GAS7: variants seen among roughly 807,000 people sequenced by gnomAD.
GAS7 encodes the protein growth arrest specific 7.
Under a neutral mutation model 71.1 loss-of-function variants are expected in GAS7, and 28 were observed. The observed-to-expected ratio is 0.39, with a 90% CI of 0.29 to 0.54. The LOEUF is 0.54. GAS7 is among the 20% of genes least tolerant of loss of function. The pLI is 0.62. For synonymous variants in GAS7, 258 were observed against 245.8 expected (o/e 1.05, Z -0.46); for missense variants, 436 against 627.8 (o/e 0.69, Z 3.27).
At chr17:10,020,451 G>C (rs867099666) in intron 1 of GAS7, among the ~76,000 whole-genome samples, 3 of 152,224 alleles carry the variant, frequency 2.0e-5, no homozygotes. Flanking sequence ...CTGGCAAAAA[G>C]AACGAGGACT....
chr17:10,066,072 T>C (rs960772067), intron 1 of GAS7, among the ~76,000 whole-genome samples: 4 of 152,164 alleles, frequency 2.6e-5, no homozygotes, highest in African/African-American at 9.7e-5. Flanking sequence ...TATACCCCTC[T>C]CCATAACCCC....
chr17:10,024,987 C>A (rs1222533855), intron 1 of GAS7, among the ~76,000 whole-genome samples: 1 of 152,138 alleles, frequency 6.6e-6, no homozygotes, highest in Admixed American at 6.5e-5. Flanking sequence ...ATCAGCTACT[C>A]GTCACAACAA....
chr17:10,050,997 T>C (rs907117546), intron 1 of GAS7, among the ~76,000 whole-genome samples: 2 of 152,092 alleles, frequency 1.3e-5, no homozygotes, highest in Admixed American at 1.3e-4. Context: ...ACCACAGACA[T>C]CCATGTGCTT....
intron 1 of GAS7, chr17:10,114,382 A>C (rs2073841166): frequency 6.6e-6 from 1 of 152,092 alleles, no homozygotes; most frequent in South Asian, 2.1e-4. Context: ...GGAGTTCCCA[A>C]ATACCTGGTC....
intron 3 of GAS7, among the ~76,000 whole-genome samples, chr17:9,975,062 G>A (rs1408987285): frequency 6.6e-6 from 1 of 152,146 alleles, no homozygotes; most frequent in African/African-American, 2.4e-5. Flanking sequence ...CTCAAAGTTA[G>A]GAAACCTGGT....
chr17:9,935,718 T>A (rs1263574757), intron 8 of GAS7, among the ~76,000 whole-genome samples: 1 of 152,104 alleles, frequency 6.6e-6, no homozygotes, highest in East Asian at 1.9e-4. Context: ...ACTGCCTGAT[T>A]TTATCTAGGA....
intron 1 of GAS7, among the ~76,000 whole-genome samples, chr17:10,102,992 G>A (rs2073719859): frequency 1.3e-5 from 2 of 152,130 alleles, no homozygotes; most frequent in South Asian, 2.1e-4. Context: ...CTCAGAGTGG[G>A]ATCCAGGGAG....
At chr17:10,161,818 A>G (rs2142119573) in intron 1 of GAS7, among the ~76,000 whole-genome samples, 1 of 152,232 alleles carries the variant, frequency 6.6e-6, no homozygotes, top group East Asian at 1.9e-4. Flanking sequence ...TAATCCCAGC[A>G]TTTTGGGAGG....
chr17:9,955,323 A>G (rs1194049716), intron 5 of GAS7, among the ~76,000 whole-genome samples: 1 of 152,208 alleles, frequency 6.6e-6, no homozygotes, highest in Non-Finnish European at 1.5e-5. Flanking sequence ...CACCTCTGGA[A>G]AGACCTCATC....
At position 10,128,175 on chromosome 17, in the gene GAS7, G is replaced by A. The variant is rs149989044; in HGVS notation, c.183+70033C>T. Among the ~76,000 whole-genome samples the A allele has an allele frequency of 2.0e-5, 3 of 152,326 alleles. No individual in the cohort carries two copies. The East Asian group carries it at 5.8e-4, about 29-fold the overall frequency. On this transcript the variant is annotated intron_variant, in intron 1 of 13. Coordinates refer to ENST00000432992, the MANE Select transcript of GAS7 (RefSeq NM_201433.2). ...CCAGCAGTTCCGGGGCGGCTCCAGT[G>A]CCCAACCCACACATGGGAGGTGGAG...
At chr17:9,960,148 G>C (rs1265170254) in intron 4 of GAS7, among the ~76,000 whole-genome samples, 2 of 152,168 alleles carry the variant, frequency 1.3e-5, no homozygotes, top group Admixed American at 1.3e-4. Context: ...GGCACCGCAG[G>C]TGGCCATCAC....
intron 1 of GAS7, among the ~76,000 whole-genome samples, chr17:10,143,618 T>C (rs1294614755): frequency 1.3e-5 from 2 of 151,380 alleles, no homozygotes; most frequent in East Asian, 1.9e-4. Context: ...TAATCCAACA[T>C]GCCTGGTGTC....
At chr17:9,945,967 C>T (rs1029196522) in intron 6 of GAS7, among the ~76,000 whole-genome samples, 1 of 151,994 alleles carries the variant, frequency 6.6e-6, no homozygotes. Context: ...CTGGGTGAGA[C>T]AGAGTGAGAC....
At chr17:10,174,552 C>G (rs1245764844) in intron 1 of GAS7, among the ~76,000 whole-genome samples, 1 of 151,970 alleles carries the variant, frequency 6.6e-6, no homozygotes, top group South Asian at 2.1e-4. Flanking sequence ...ATTAGCCGGG[C>G]GCAGTGGCGG....
intron 1 of GAS7, among the ~76,000 whole-genome samples, chr17:10,133,831 A>C (rs112410517): frequency 6.6e-5 from 10 of 152,044 alleles, no homozygotes; most frequent in African/African-American, 2.2e-4. Context: ...TTCACTTTGC[A>C]TAATGTCCTC....
rs368379865 is a variant in GAS7, at chr17:9,979,178, T to C, written c.385+2626A>G. 2.6e-5 allele frequency among the ~76,000 whole-genome samples: 4 copies of C among 152,356 alleles called. No homozygotes were observed. The East Asian group carries it at 7.7e-4, about 29-fold the overall frequency. On this transcript the variant is annotated intron_variant, in intron 3 of 13. Coordinates refer to ENST00000432992, the MANE Select transcript of GAS7 (RefSeq NM_201433.2). ...TAGGTTTCTTCATTTCAGGCCTTCC[T>C]GCAGTCTTCAGAATGCTAATGTGCC... is the stretch of plus-strand genomic sequence containing the variant.
chr17:10,024,273 C>A (rs2072384627), intron 1 of GAS7, among the ~76,000 whole-genome samples: 1 of 152,244 alleles, frequency 6.6e-6, no homozygotes, highest in Non-Finnish European at 1.5e-5. Flanking sequence ...GCAAGAGCAG[C>A]CGGCCCCCAG....
At chr17:9,977,479 G>A (rs1041240800) in intron 3 of GAS7, among the ~76,000 whole-genome samples, 3 of 152,158 alleles carry the variant, frequency 2.0e-5, no homozygotes, top group Non-Finnish European at 2.9e-5. Context: ...TGCACGTTAA[G>A]CCCAGCCCAA....
chr17:9,959,582 G>A lies in GAS7; in HGVS notation c.472-327C>T, dbSNP rs535927599. 26 of 664,266 alleles carry A rather than the reference G, an allele frequency of 3.9e-5. No individual in the cohort carries two copies. Among genetic ancestry groups the A allele is most frequent in the South Asian group, 1.2e-4 (3 of 24,758 alleles). The allele number at this position is 664,266 out of a possible 1,614,324, so 41.1% of individuals were successfully genotyped here. A position where few individuals can be genotyped will look rare whatever the true frequency, so the allele number is the denominator to read the frequency against. On this transcript the variant is annotated intron_variant, in intron 4 of 13. Coordinates refer to ENST00000432992, the MANE Select transcript of GAS7 (RefSeq NM_201433.2). The surrounding 1 kb of genome is among the most constrained non-coding windows in gnomAD (Gnocchi z 5.0). ...GCTGCCCTCTGCTGGTGAACGTTCC[G>A]CGTGCCGCTTGCTGCCTGAAGCCGC...
Sources: allele counts gnomAD v4.1 joint callset (sites outside exome capture counted in the v4.1 genomes callset), GRCh38; gene constraint gnomAD v4.1.1; non-coding constraint Gnocchi (gnomAD v3.1); transcripts MANE v1.5; gene names NCBI Gene and HGNC (gene_info 2026-07-23, HGNC 2026-07-21).